Variants in AGBL1 observed in about 807,000 individuals in gnomAD.
AGBL1 encodes cytosolic carboxypeptidase 4.
In AGBL1, 130 loss-of-function variants were observed where a neutral mutation model predicts 118.9. That is an observed-to-expected ratio of 1.09 (90% CI 0.95 to 1.26). The LOEUF is 1.26. AGBL1 is among the 50% of genes most tolerant of loss of function. The pLI is 0.00. For missense variants in AGBL1, 1,584 were observed against 1,298.1 expected (o/e 1.22, Z -3.38); for synonymous variants, 555 against 478.9 (o/e 1.16, Z -2.08).
chr15:86,300,539 A>G (rs779547627), intron 17 of AGBL1, among the ~76,000 whole-genome samples: 39 of 152,200 alleles, frequency 2.6e-4, no homozygotes, highest in Non-Finnish European at 4.6e-4. Flanking sequence ...TGAGAAGTCA[A>G]GAAACAACAA....
intron 18 of AGBL1, among the ~76,000 whole-genome samples, chr15:86,398,078 A>C (rs1416487650): frequency 6.6e-6 from 1 of 152,188 alleles, no homozygotes; most frequent in Non-Finnish European, 1.5e-5. Context: ...TAGCTCTGAT[A>C]GGACACAGCT....
At chr15:86,096,955 G>A (rs542473986) in intron 1 of AGBL1, among the ~76,000 whole-genome samples, 1 of 152,152 alleles carries the variant, frequency 6.6e-6, no homozygotes, top group African/African-American at 2.4e-5. Flanking sequence ...GGGACATTTA[G>A]GCATTAATAG....
chr15:86,433,210 C>G (rs966541793), intron 18 of AGBL1, among the ~76,000 whole-genome samples: 2 of 147,134 alleles, frequency 1.4e-5, no homozygotes, highest in Non-Finnish European at 3.0e-5. Context: ...AGCTCCTTTC[C>G]TCCTCTTCTT....
intron 22 of AGBL1, among the ~76,000 whole-genome samples, chr15:86,864,199 T>G (rs917729271): frequency 3.9e-5 from 6 of 152,176 alleles, no homozygotes; most frequent in Non-Finnish European, 7.3e-5. Context: ...CCTGACCTGC[T>G]TGAAAACATA....
intron 21 of AGBL1, among the ~76,000 whole-genome samples, chr15:86,650,188 A>G (rs117878054): frequency 0.027 from 4,105 of 152,272 alleles, 85 homozygotes; most frequent in Middle Eastern, 0.085. Flanking sequence ...TTCATTAGTA[A>G]CAGAATCCCT....
At chr15:86,935,612 T>TC (rs1452854796) in intron 23 of AGBL1, among the ~76,000 whole-genome samples, 3 of 152,212 alleles carry the variant, frequency 2.0e-5, no homozygotes, top group Non-Finnish European at 1.5e-5. Flanking sequence ...TAATTGGAAC[T>TC]TATTTTTCAG....
intron 20 of AGBL1, among the ~76,000 whole-genome samples, chr15:86,546,544 G>A (rs2083585565): frequency 1.3e-5 from 2 of 152,056 alleles, no homozygotes; most frequent in Admixed American, 1.3e-4. Context: ...CTGTTACATA[G>A]CTTATGGAAG....
intron 24 of AGBL1, among the ~76,000 whole-genome samples, chr15:87,022,446 G>T (rs1263828102): frequency 6.6e-6 from 1 of 152,056 alleles, no homozygotes; most frequent in Non-Finnish European, 1.5e-5. Context: ...CCTCCAAGAA[G>T]TCTGAGATTA....
At chr15:86,796,266 G>A (rs2078569362) in intron 22 of AGBL1, among the ~76,000 whole-genome samples, 1 of 152,132 alleles carries the variant, frequency 6.6e-6, no homozygotes, top group African/African-American at 2.4e-5. Flanking sequence ...CTAGACATTT[G>A]TTCTGTCAGA....
At chr15:86,821,800 C>T (rs910217169) in intron 22 of AGBL1, among the ~76,000 whole-genome samples, 1 of 152,140 alleles carries the variant, frequency 6.6e-6, no homozygotes, top group Non-Finnish European at 1.5e-5. Context: ...TTTCACACAC[C>T]TTTAAGGTGC....
intron 22 of AGBL1, among the ~76,000 whole-genome samples, chr15:86,762,208 G>C (rs2078036242): frequency 6.6e-6 from 1 of 151,944 alleles, no homozygotes; most frequent in South Asian, 2.1e-4. Context: ...TCACACAGTG[G>C]GGCCTGTTGG....
At chr15:86,959,849 G>A (rs921613173) in intron 23 of AGBL1, among the ~76,000 whole-genome samples, 1 of 151,860 alleles carries the variant, frequency 6.6e-6, no homozygotes, top group South Asian at 2.1e-4. Flanking sequence ...CTATTTCCAG[G>A]TCAGATTTAG....
intron 24 of AGBL1, among the ~76,000 whole-genome samples, chr15:87,028,274 T>C (rs2081753975): frequency 6.6e-6 from 1 of 151,982 alleles, no homozygotes; most frequent in Admixed American, 6.6e-5. Context: ...TGTATTATAA[T>C]ACAACTATCA....
Position 86,166,952 on chromosome 15 carries a change from G to GT in AGBL1, c.488+7927dup, listed in dbSNP as rs373006085. Among the ~76,000 whole-genome samples, 94 of 152,188 alleles carry GT rather than the reference G, an allele frequency of 6.2e-4. 1 individual carries two copies. Among genetic ancestry groups the GT allele is most frequent in the African/African-American group, 2.1e-3 (88 of 41,536 alleles). On this transcript the variant is annotated intron_variant, in intron 5 of 22. Coordinates refer to ENST00000614907, the MANE Select transcript of AGBL1 (RefSeq NM_001386094.1). ...TTATCTGCTGAAGCTTGTACAGCTC[G>GT]TACCTCCCTATAGATTTCCCTCAGT...
chr15:86,702,566 A>G (rs552195276), intron 22 of AGBL1, among the ~76,000 whole-genome samples: 1 of 152,264 alleles, frequency 6.6e-6, no homozygotes, highest in Admixed American at 6.5e-5. Context: ...GCATCACTCC[A>G]TAGGAACTAC....
chr15:86,686,214 T>G (rs1454896961), intron 22 of AGBL1, among the ~76,000 whole-genome samples: 1 of 152,156 alleles, frequency 6.6e-6, no homozygotes, highest in Non-Finnish European at 1.5e-5. Context: ...TGATCTAGTT[T>G]TTTTAAAGAA....
At chr15:86,854,568 A>G (rs2079452038) in intron 22 of AGBL1, among the ~76,000 whole-genome samples, 1 of 152,118 alleles carries the variant, frequency 6.6e-6, no homozygotes, top group African/African-American at 2.4e-5. Context: ...CATGCACACA[A>G]CCTGATTTTA....
At chr15:86,487,959 C>T (rs2082733040) in intron 18 of AGBL1, among the ~76,000 whole-genome samples, 1 of 152,026 alleles carries the variant, frequency 6.6e-6, no homozygotes, top group Admixed American at 6.6e-5. Context: ...AAGTTCCCCT[C>T]CTTTGCTTTC....
intron 22 of AGBL1, among the ~76,000 whole-genome samples, chr15:86,710,799 A>C (rs1475181229): frequency 6.6e-6 from 1 of 152,202 alleles, no homozygotes; most frequent in East Asian, 1.9e-4. Context: ...AAAGCACAAA[A>C]TGCCAGGAAT....
Sources: allele counts gnomAD v4.1 joint callset (sites outside exome capture counted in the v4.1 genomes callset), GRCh38; gene constraint gnomAD v4.1.1; transcripts MANE v1.5; gene names NCBI Gene and HGNC (gene_info 2026-07-23, HGNC 2026-07-21).